The following IKZF2 variants were observed in gnomAD, a reference collection of about 807,000 sequenced individuals.
IKZF2 encodes zinc finger protein Helios.
IKZF2 carries 15 observed loss-of-function variants against 49.2 expected under a neutral mutation model. The observed-to-expected ratio is 0.30, with a 90% CI of 0.20 to 0.47. IKZF2 has a LOEUF of 0.47. Among genes scored for constraint, IKZF2 ranks in the 20% least tolerant of loss-of-function variants. The pLI is 1.00. For synonymous variants in IKZF2, 227 were observed against 221.4 expected, an observed-to-expected ratio of 1.03 and a Z score of -0.23; for missense variants, 567 against 664.6, an observed-to-expected ratio of 0.85 and a Z score of 1.61.
intron 4 of IKZF2, among the ~76,000 whole-genome samples, chr2:213,084,882 G>A (rs1704391240): frequency 6.6e-6 from 1 of 152,136 alleles, no homozygotes; most frequent in Non-Finnish European, 1.5e-5. Flanking sequence ...TAGCTTTCAT[G>A]ATTCAAGGTC....
At chr2:213,018,647 T>C (rs1324488537) in intron 7 of IKZF2, among the ~76,000 whole-genome samples, 1 of 152,128 alleles carries the variant, frequency 6.6e-6, no homozygotes, top group East Asian at 1.9e-4. Context: ...CACAATGAAA[T>C]TCAAACACTA....
At chr2:213,072,445 G>A (rs1252730635) in intron 4 of IKZF2, among the ~76,000 whole-genome samples, 4 of 152,010 alleles carry the variant, frequency 2.6e-5, no homozygotes, top group Non-Finnish European at 5.9e-5. Flanking sequence ...AAGGAATAAT[G>A]CAGTAGACAG....
intron 8 of IKZF2, 115 bp from the exon 9 acceptor site, chr2:213,008,199 A>C: frequency 8.3e-7 from 1 of 1,199,832 alleles, no homozygotes; most frequent in Non-Finnish European, 1.1e-6. Context: ...CATTTTTCAT[A>C]ATTTGGTATA....
chr2:213,145,902 A>G (rs1230832381), intron 4 of IKZF2, among the ~76,000 whole-genome samples: 1 of 152,086 alleles, frequency 6.6e-6, no homozygotes, highest in Non-Finnish European at 1.5e-5. Context: ...CTCAAATGTC[A>G]AAAGCACAGT....
chr2:213,049,949 G>C lies in IKZF2; in HGVS notation c.407-69C>G, dbSNP rs1437692811. On this transcript the variant is annotated intron_variant, in intron 5 of 8. Transcript: ENST00000434687. ...GCAAGTGACTAATTTGCCATCCACT[G>C]TTAACCAAAGCCAGTTCTCTATGCT... 2.6e-6 allele frequency: 3 copies of C among 1,136,834 alleles called. No homozygotes were observed. The African/African-American group carries it at 4.7e-5, about 18-fold the overall frequency. 70.4% of individuals were successfully genotyped at this position (1,136,834 alleles called of 1,614,324 possible).
intron 4 of IKZF2, among the ~76,000 whole-genome samples, chr2:213,105,774 C>T (rs139346786): frequency 1.9e-4 from 29 of 152,224 alleles, no homozygotes; most frequent in Middle Eastern, 3.4e-3. Context: ...TCTTCAGCCA[C>T]GACTATTGAT....
At chr2:213,093,282 C>T (rs1705564517) in intron 4 of IKZF2, among the ~76,000 whole-genome samples, 1 of 152,098 alleles carries the variant, frequency 6.6e-6, no homozygotes, top group African/African-American at 2.4e-5. Flanking sequence ...TCCTTCTCAC[C>T]TCTCCAGATA....
intron 6 of IKZF2, among the ~76,000 whole-genome samples, chr2:213,039,275 A>C (rs1393746028): frequency 1.3e-5 from 2 of 152,086 alleles, no homozygotes; most frequent in African/African-American, 4.8e-5. Flanking sequence ...TAGTATAAGC[A>C]TTCAATATTT....
intron 4 of IKZF2, among the ~76,000 whole-genome samples, chr2:213,087,621 T>TC (rs1704788170): frequency 3.3e-5 from 5 of 152,242 alleles, no homozygotes; most frequent in African/African-American, 1.2e-4. Context: ...ATTAGGTATA[T>TC]CTCCTAATGC....
chr2:213,134,186 C>T (rs1330796188), intron 4 of IKZF2, among the ~76,000 whole-genome samples: 1 of 152,156 alleles, frequency 6.6e-6, no homozygotes, highest in Non-Finnish European at 1.5e-5. Context: ...AATGGAAAAA[C>T]CAGCGATCAG....
At chr2:213,038,580 A>G (rs970566112) in intron 6 of IKZF2, among the ~76,000 whole-genome samples, 8 of 143,776 alleles carry the variant, frequency 5.6e-5, no homozygotes, top group Non-Finnish European at 1.1e-4. Flanking sequence ...TCTGGAAGTC[A>G]TTACAAAAAA....
At chr2:213,029,250 T>A (rs1698148723) in intron 6 of IKZF2, among the ~76,000 whole-genome samples, 1 of 152,036 alleles carries the variant, frequency 6.6e-6, no homozygotes, top group African/African-American at 2.4e-5. Flanking sequence ...TTTTCTTAAA[T>A]TACATTTTCC....
chr2:213,139,530 G>A (rs961889719), intron 4 of IKZF2, among the ~76,000 whole-genome samples: 1 of 151,646 alleles, frequency 6.6e-6, no homozygotes, highest in African/African-American at 2.4e-5. Context: ...CAACTGGAGT[G>A]ATCCAGCTCC....
chr2:213,066,450 C>T (rs1702172718), intron 4 of IKZF2, among the ~76,000 whole-genome samples: 1 of 152,092 alleles, frequency 6.6e-6, no homozygotes, highest in African/African-American at 2.4e-5. Context: ...GGGTCATACA[C>T]ATTGACATCG....
At chr2:213,082,669 T>C (rs1704079117) in intron 4 of IKZF2, among the ~76,000 whole-genome samples, 1 of 152,174 alleles carries the variant, frequency 6.6e-6, no homozygotes, top group African/African-American at 2.4e-5. Context: ...ATTTAGATCA[T>C]CGGAACTTGC....
chr2:213,116,055 T>G (rs1269036621), intron 4 of IKZF2, among the ~76,000 whole-genome samples: 1 of 152,206 alleles, frequency 6.6e-6, no homozygotes, highest in Non-Finnish European at 1.5e-5. Context: ...GGATAACAGA[T>G]TATACTTTAT....
chr2:213,131,087 G>A (rs938618756), intron 4 of IKZF2, among the ~76,000 whole-genome samples: 7 of 151,978 alleles, frequency 4.6e-5, no homozygotes, highest in Non-Finnish European at 8.8e-5. Context: ...CAACTGAGGG[G>A]GAATGTAAAT....
At chr2:213,138,336 TAG>T (rs1236528754) in intron 4 of IKZF2, among the ~76,000 whole-genome samples, 1 of 151,994 alleles carries the variant, frequency 6.6e-6, no homozygotes, top group Non-Finnish European at 1.5e-5. Context: ...TTTAGAAACT[TAG>T]AGATCAGCTT....
intron 7 of IKZF2, chr2:213,021,639 C>T (rs572994324): frequency 1.9e-5 from 8 of 410,404 alleles, no homozygotes; most frequent in South Asian, 1.5e-4. Context: ...TGACTGATCA[C>T]TTACCTGAGA....
Sources: gnomAD v4.1 joint callset for allele counts (sites outside exome capture counted in the v4.1 genomes callset) on GRCh38, gnomAD v4.1.1 for gene constraint, MANE v1.5 for transcripts, NCBI Gene and HGNC (gene_info 2026-07-23, HGNC 2026-07-21) for gene names.